The following BTBD9 variants were observed in gnomAD, a reference collection of about 807,000 sequenced individuals.
The protein encoded by BTBD9 is BTB domain containing 9.
In BTBD9, 49 loss-of-function variants were observed where a neutral mutation model predicts 64.3. The ratio of observed to expected loss-of-function variants is 0.76; its 90% CI spans 0.61 to 0.97. The LOEUF (loss-of-function observed/expected upper bound fraction) is 0.97, where lower values mean the gene tolerates loss of function less well. Ranked by LOEUF, BTBD9 falls within the 50% of genes least tolerant of loss-of-function variation. The pLI, the probability that BTBD9 is intolerant of heterozygous loss-of-function variation, is 0.00. For missense variants in BTBD9, 598 were observed against 762.1 expected (o/e 0.78, Z 2.53); for synonymous variants, 260 against 274.7 (o/e 0.95, Z 0.53).
chr6:38,508,483 C>T (rs891689167), intron 6 of BTBD9, among the ~76,000 whole-genome samples: 1 of 152,196 alleles, frequency 6.6e-6, no homozygotes, highest in African/African-American at 2.4e-5. Flanking sequence ...GCCACTGGCA[C>T]TTCTTACCTA....
rs531911807 is a variant in BTBD9 at position 38,252,619 on chromosome 6, A to G, written c.1562+3790T>C. Among the ~76,000 whole-genome samples the G allele has an allele frequency of 2.0e-5, 3 of 152,368 alleles. No homozygotes were observed. The South Asian group carries it at 6.2e-4, about 32-fold the overall frequency. ...CTAAGTGCTATACAAAGTTAAAAACATATAAATTATTTAAATCCACCAATG... is the reference window on the plus strand; with the variant it reads ...CTAAGTGCTATACAAAGTTAAAAACGTATAAATTATTTAAATCCACCAATG... On this transcript the variant is annotated intron_variant, in intron 9 of 10. Coordinates refer to ENST00000481247, the MANE Select transcript of BTBD9 (RefSeq NM_001099272.2).
At chr6:38,393,145 T>TA (rs1385173945) in intron 6 of BTBD9, among the ~76,000 whole-genome samples, 4 of 152,290 alleles carry the variant, frequency 2.6e-5, no homozygotes, top group South Asian at 4.1e-4. Flanking sequence ...CCGTCCGCCT[T>TA]AGCCTCCCAA....
intron 7 of BTBD9, among the ~76,000 whole-genome samples, chr6:38,339,008 C>T (rs1487704375): frequency 6.6e-6 from 1 of 152,124 alleles, no homozygotes; most frequent in African/African-American, 2.4e-5. Context: ...TCATACAATA[C>T]CAGGGAGAAT....
chr6:38,572,776 AC>A (rs970593283), intron 6 of BTBD9, among the ~76,000 whole-genome samples: 10 of 150,790 alleles, frequency 6.6e-5, no homozygotes, highest in East Asian at 5.8e-4. Context: ...AAAAAAAAAA[AC>A]AAGTAGTGGA....
At chr6:38,345,313 G>A (rs1764237539) in intron 6 of BTBD9, among the ~76,000 whole-genome samples, 1 of 152,174 alleles carries the variant, frequency 6.6e-6, no homozygotes, top group Admixed American at 6.5e-5. Context: ...CATTTTGCAG[G>A]GAATTAAGTA....
intron 7 of BTBD9, among the ~76,000 whole-genome samples, chr6:38,308,475 A>G (rs1256357335): frequency 1.3e-5 from 2 of 152,224 alleles, no homozygotes; most frequent in African/African-American, 4.8e-5. Context: ...AAAAATTAAG[A>G]AGTTTTAATA....
At chr6:38,266,241 G>A (rs1764967987) in intron 8 of BTBD9, among the ~76,000 whole-genome samples, 1 of 151,946 alleles carries the variant, frequency 6.6e-6, no homozygotes, top group Non-Finnish European at 1.5e-5. Context: ...TTTGCCCCAG[G>A]CTTATGATCT....
At chr6:38,251,768 T>A (rs576816738) in intron 9 of BTBD9, among the ~76,000 whole-genome samples, 1 of 151,822 alleles carries the variant, frequency 6.6e-6, no homozygotes, top group Non-Finnish European at 1.5e-5. Context: ...AGCATATGCC[T>A]GTAATCTCAA....
chr6:38,466,505 C>G (rs1414497214), intron 6 of BTBD9, among the ~76,000 whole-genome samples: 1 of 151,992 alleles, frequency 6.6e-6, no homozygotes, highest in African/African-American at 2.4e-5. Context: ...GTTGGCCAGG[C>G]TGGTCTCAAA....
chr6:38,435,393 A>G (rs2127300432), intron 6 of BTBD9, among the ~76,000 whole-genome samples: 1 of 151,258 alleles, frequency 6.6e-6, no homozygotes, highest in African/African-American at 2.4e-5. Flanking sequence ...CCAGCTGCTC[A>G]GGAGGCTAAG....
chr6:38,632,355 G>T (rs1178516505), intron 1 of BTBD9, among the ~76,000 whole-genome samples: 1 of 152,162 alleles, frequency 6.6e-6, no homozygotes, highest in Non-Finnish European at 1.5e-5. Context: ...TAGTCAAACT[G>T]CAAGGAATGA....
At chr6:38,335,810 C>T (rs527327719) in intron 7 of BTBD9, among the ~76,000 whole-genome samples, 8 of 151,808 alleles carry the variant, frequency 5.3e-5, no homozygotes, top group Non-Finnish European at 5.9e-5. Context: ...CTTGGCTCAC[C>T]GCAACCTTTG....
chr6:38,425,927 T>TACACACACACAC (rs61016424), intron 6 of BTBD9, among the ~76,000 whole-genome samples: 2,980 of 137,032 alleles, frequency 0.022, 46 homozygotes, highest in South Asian at 0.05. Context: ...AAGAAACACA[T>TACACACACACAC]ACACACACAC....
In BTBD9 at chr6:38,206,103, G is replaced by A. The variant is rs375973446; in HGVS notation, c.1563-13506C>T. 1.1e-3 allele frequency among the ~76,000 whole-genome samples: 161 copies of A among 152,038 alleles called. 8 individuals carry two copies. In the South Asian group the frequency reaches 0.028, roughly 27 times the overall value. ...AGAAAGAGAAACTAATTGACCAGAT[G>A]TATTAACCAGGTTACAAGAATTTGT... On this transcript the variant is annotated intron_variant, in intron 9 of 10. Transcript: ENST00000481247.
intron 6 of BTBD9, among the ~76,000 whole-genome samples, chr6:38,408,595 A>G (rs1303132866): frequency 6.6e-6 from 1 of 152,206 alleles, no homozygotes; most frequent in Non-Finnish European, 1.5e-5. Flanking sequence ...TAAGGTCACT[A>G]TATTTGCATG....
chr6:38,424,161 G>T (rs978478293), intron 6 of BTBD9, among the ~76,000 whole-genome samples: 1 of 151,810 alleles, frequency 6.6e-6, no homozygotes, highest in African/African-American at 2.4e-5. Flanking sequence ...AGTTTCAAGT[G>T]GATTATATTT....
chr6:38,260,810 C>T (rs1460380912), intron 8 of BTBD9, among the ~76,000 whole-genome samples: 1 of 152,162 alleles, frequency 6.6e-6, no homozygotes, highest in East Asian at 1.9e-4. Flanking sequence ...CTTTTTGTAA[C>T]ATCAAATATT....
chr6:38,196,776 C>T (rs1349558155), intron 9 of BTBD9, among the ~76,000 whole-genome samples: 1 of 152,178 alleles, frequency 6.6e-6, no homozygotes, highest in African/African-American at 2.4e-5. Flanking sequence ...TGTTCCAAAA[C>T]TTGCCTTGTA....
chr6:38,429,306 T>C (rs1768327932), intron 6 of BTBD9, among the ~76,000 whole-genome samples: 1 of 150,978 alleles, frequency 6.6e-6, no homozygotes, highest in South Asian at 2.1e-4. Context: ...AATACAAAAA[T>C]TAGCTAGGCG....
Sources: allele counts gnomAD v4.1 joint callset (sites outside exome capture counted in the v4.1 genomes callset), GRCh38; gene constraint gnomAD v4.1.1; transcripts MANE v1.5; gene names NCBI Gene and HGNC (gene_info 2026-07-23, HGNC 2026-07-21).